DAB1: variants seen among roughly 807,000 people sequenced by gnomAD.
DAB1 encodes the protein DAB adaptor protein 1, also known as disabled homolog 1.
Under a neutral mutation model 64.6 loss-of-function variants are expected in DAB1, and 15 were observed. That is an observed-to-expected ratio of 0.23 (90% CI 0.16 to 0.36). DAB1 has a LOEUF of 0.36. Ranked by LOEUF, DAB1 falls within the 10% of genes least tolerant of loss-of-function variation. The pLI, the probability that DAB1 is intolerant of heterozygous loss-of-function variation, is 1.00. For missense variants in DAB1, 596 were observed against 706.7 expected, an observed-to-expected ratio of 0.84 and a Z score of 1.78; for synonymous variants, 235 against 251.9, an observed-to-expected ratio of 0.93 and a Z score of 0.64.
At position 58,328,174 on chromosome 1, in the gene DAB1, C is replaced by T. The variant is rs201064975; in HGVS notation, n.309+15178G>A. Among the ~76,000 whole-genome samples the T allele has an allele frequency of 3.9e-5, 6 of 152,372 alleles. No homozygotes were observed. In the East Asian group the frequency reaches 5.8e-4, roughly 15 times the overall value. On this transcript the variant is annotated intron_variant and non_coding_transcript_variant, in intron 4 of 20. Transcript: ENST00000485760. ...CCCTGCTTCCTCTCCCTTCCCTTCA[C>T]ATGTGTGGATCCCTAAGAAACATCT...
In DAB1 at chr1:57,641,367, T is replaced by TTTC. The variant is rs1646125353; in HGVS notation, n.625+8224_625+8225insGAA. ...GGTGAAACTCTTGCCCAGTTCCCTCTTTTTTTTGTTGGTTTTTTTTTTTTT... is the reference window on the plus strand; with the variant it reads ...GGTGAAACTCTTGCCCAGTTCCCTCTTTCTTTTTTTGTTGGTTTTTTTTTTTTT... On this transcript the variant is annotated intron_variant and non_coding_transcript_variant, in intron 7 of 20. Coordinates refer to the DAB1 transcript ENST00000485760. Among the ~76,000 whole-genome samples the TTTC allele has an allele frequency of 2.2e-5, 3 of 136,874 alleles. 1 individual carries two copies. The Admixed American group carries it at 2.5e-4, about 11-fold the overall frequency. The allele number at this position is 136,874 out of a possible 152,430, so 89.8% of individuals were successfully genotyped here. A position where few individuals can be genotyped will look rare whatever the true frequency, so the allele number is the denominator to read the frequency against.
intron 5 of DAB1, among the ~76,000 whole-genome samples, chr1:58,081,814 T>C (rs1650015219): frequency 6.6e-6 from 1 of 152,166 alleles, no homozygotes; most frequent in Non-Finnish European, 1.5e-5. Context: ...CCATCTCTTT[T>C]TTTTCCCCCA....
intron 1 of DAB1, among the ~76,000 whole-genome samples, chr1:57,322,213 C>G (rs568888408): frequency 1.1e-4 from 17 of 152,324 alleles, no homozygotes; most frequent in African/African-American, 4.1e-4. Context: ...ACATTATCCA[C>G]AATGCTCACT....
At chr1:58,146,579 C>T (rs1654606312) in intron 5 of DAB1, among the ~76,000 whole-genome samples, 1 of 152,110 alleles carries the variant, frequency 6.6e-6, no homozygotes, top group African/African-American at 2.4e-5. Flanking sequence ...TTACATTCCA[C>T]ATATAATTGA....
intron 2 of DAB1, among the ~76,000 whole-genome samples, chr1:57,259,639 G>C (rs1414882472): frequency 6.6e-6 from 1 of 152,144 alleles, no homozygotes; most frequent in African/African-American, 2.4e-5. Context: ...CAGAGTAAAG[G>C]ACACACAGTT....
chr1:57,631,813 C>T (rs756411989), intron 7 of DAB1, among the ~76,000 whole-genome samples: 4 of 152,122 alleles, frequency 2.6e-5, no homozygotes, highest in Non-Finnish European at 5.9e-5. Flanking sequence ...TGTACCAGGA[C>T]CCAAAGGAGG....
intron 4 of DAB1, among the ~76,000 whole-genome samples, chr1:57,090,668 A>T (rs1653570014): frequency 6.6e-6 from 1 of 152,174 alleles, no homozygotes; most frequent in Admixed American, 6.5e-5. Flanking sequence ...CCGAATTCCT[A>T]TCTCCTAGCT....
chr1:58,504,824 T>G (rs7548248), intron 3 of DAB1, among the ~76,000 whole-genome samples: 148,856 of 152,208 alleles, frequency 0.98, 72,875 homozygotes, highest in East Asian at 1. Flanking sequence ...CATTTTTTAT[T>G]TATCTTAGCA....
In DAB1 at chr1:58,136,537, AT is replaced by A. The variant is rs1481949456; in HGVS notation, n.387+13973del. Among the ~76,000 whole-genome samples the A allele has an allele frequency of 2.0e-5, 3 of 152,212 alleles. No homozygotes were observed. The East Asian group carries it at 5.8e-4, about 29-fold the overall frequency. Reference sequence around the variant, plus strand: ...CCTCTTGAAATGCGAGATTTATAACATGCAAAAGCCGTTTCCAAAGCTTCAC... The same window carrying A: ...CCTCTTGAAATGCGAGATTTATAACAGCAAAAGCCGTTTCCAAAGCTTCAC... On this transcript the variant is annotated intron_variant and non_coding_transcript_variant, in intron 5 of 20. Transcript: ENST00000485760.
intron 2 of DAB1, among the ~76,000 whole-genome samples, chr1:57,274,915 G>C (rs1288627264): frequency 8.1e-6 from 1 of 124,060 alleles, no homozygotes; most frequent in African/African-American, 3.0e-5. Flanking sequence ...CTAAGCCATG[G>C]GCTTAACTGC....
In DAB1 at chr1:58,427,554, G is replaced by A. The variant is rs768016847; in HGVS notation, n.257+78506C>T. 3.3e-5 allele frequency among the ~76,000 whole-genome samples: 5 copies of A among 152,114 alleles called. No homozygotes were observed. In the East Asian group the frequency reaches 7.7e-4, roughly 23 times the overall value. On this transcript the variant is annotated intron_variant and non_coding_transcript_variant, in intron 3 of 20. Coordinates refer to the DAB1 transcript ENST00000485760. ...GCAGCTGGTTAAAAGTGATTCGACT[G>A]TTCATATATTTTGAAAACAGAGCCA...
At chr1:57,340,343 T>G (rs1558197232) in intron 1 of DAB1, among the ~76,000 whole-genome samples, 1 of 152,210 alleles carries the variant, frequency 6.6e-6, no homozygotes, top group Non-Finnish European at 1.5e-5. Flanking sequence ...TCAATTTGCA[T>G]GTGTTCTGTG....
intron 2 of DAB1, among the ~76,000 whole-genome samples, chr1:57,277,753 A>C (rs150069659): frequency 1.3e-5 from 2 of 152,136 alleles, no homozygotes; most frequent in South Asian, 4.1e-4. Flanking sequence ...GTTGGAGATA[A>C]TTCTCCTTCC....
intron 5 of DAB1, among the ~76,000 whole-genome samples, chr1:58,122,655 C>A (rs1177186213): frequency 1.3e-4 from 20 of 152,028 alleles, no homozygotes; most frequent in Admixed American, 1.3e-3. Context: ...GGAGGCTGAC[C>A]ACCTTGTGTC....
chr1:57,706,345 G>A (rs1323210345), intron 6 of DAB1, among the ~76,000 whole-genome samples: 3 of 149,590 alleles, frequency 2.0e-5, no homozygotes, highest in African/African-American at 7.4e-5. Context: ...TCAGTCTGTT[G>A]TCCAGGCTGG....
chr1:57,196,426 G>C (rs1404248860), intron 2 of DAB1, among the ~76,000 whole-genome samples: 2 of 152,172 alleles, frequency 1.3e-5, no homozygotes, highest in Non-Finnish European at 2.9e-5. Flanking sequence ...AGATGACCTG[G>C]CAGTGAGTGT....
chr1:57,615,384 A>C (rs1645780183), intron 7 of DAB1, among the ~76,000 whole-genome samples: 1 of 152,114 alleles, frequency 6.6e-6, no homozygotes, highest in Non-Finnish European at 1.5e-5. Context: ...TGCTACTTGG[A>C]ACGTGGATGT....
At chr1:57,394,674 A>G (rs1333415655) in intron 1 of DAB1, among the ~76,000 whole-genome samples, 2 of 152,210 alleles carry the variant, frequency 1.3e-5, no homozygotes, top group Non-Finnish European at 2.9e-5. Flanking sequence ...ATAGGTGCCT[A>G]TAAGAACAGG....
Position 57,097,903 on chromosome 1 carries a change from G to A in DAB1, c.307-25489C>T, listed in dbSNP as rs568234841. On this transcript the variant is annotated intron_variant, in intron 4 of 14. Coordinates refer to ENST00000371236, the MANE Select transcript of DAB1 (RefSeq NM_001365792.1). Reference sequence around the variant, plus strand: ...TGCCATTCTCCTCCCTCAGCCTCCCGAATAGCTGGGACCACAGGTGTCCAC... The same window carrying A: ...TGCCATTCTCCTCCCTCAGCCTCCCAAATAGCTGGGACCACAGGTGTCCAC... 3.6e-3 allele frequency among the ~76,000 whole-genome samples: 547 copies of A among 151,834 alleles called. 5 individuals carry two copies. The highest frequency in any genetic ancestry group is 0.013 in the African/African-American group (533 of 41,398).
Sources: gnomAD v4.1 joint callset for allele counts (sites outside exome capture counted in the v4.1 genomes callset) on GRCh38, gnomAD v4.1.1 for gene constraint, MANE v1.5 for transcripts, NCBI Gene and HGNC (gene_info 2026-07-23, HGNC 2026-07-21) for gene names.